The following UXS1 variants were observed in gnomAD, a reference collection of about 807,000 sequenced individuals.
UXS1 encodes UDP-glucuronate decarboxylase 1, also known as UDP-glucuronic acid decarboxylase 1.
UXS1 carries 33 observed loss-of-function variants against 62.6 expected under a neutral mutation model. The observed-to-expected ratio is 0.53, with a 90% CI of 0.40 to 0.70. The LOEUF is 0.70. UXS1 is among the 30% of genes least tolerant of loss of function. UXS1 has a pLI of 0.00. For synonymous variants in UXS1, 213 were observed against 206.8 expected (o/e 1.03, Z -0.26); for missense variants, 434 against 556.3 (o/e 0.78, Z 2.21).
At chr2:106,145,447 G>A (rs1043277463) in intron 5 of UXS1, 77 bp from the exon 6 acceptor site, 3 of 1,476,146 alleles carry the variant, frequency 2.0e-6, no homozygotes, top group South Asian at 1.4e-5. Context: ...TCCACGGAGA[G>A]ACATCTCTGG....
chr2:106,174,531 C>T (rs1293972329), intron 1 of UXS1, among the ~76,000 whole-genome samples: 1 of 152,346 alleles, frequency 6.6e-6, no homozygotes, highest in South Asian at 2.1e-4. Flanking sequence ...CATCCTGTAG[C>T]AACCCACATG....
At chr2:106,150,221 C>T (rs1243658234) in intron 5 of UXS1, among the ~76,000 whole-genome samples, 1 of 152,134 alleles carries the variant, frequency 6.6e-6, no homozygotes, top group East Asian at 1.9e-4. Context: ...GATTGTATAA[C>T]TAAAAGGGAA....
intron 5 of UXS1, among the ~76,000 whole-genome samples, chr2:106,156,219 T>C (rs977494115): frequency 1.3e-5 from 2 of 152,116 alleles, no homozygotes; most frequent in South Asian, 2.1e-4. Flanking sequence ...AATTAAAGAA[T>C]AGGATAATAT....
At chr2:106,149,723 CTTATACA>C (rs1307576495) in intron 5 of UXS1, among the ~76,000 whole-genome samples, 1 of 152,140 alleles carries the variant, frequency 6.6e-6, no homozygotes, top group Non-Finnish European at 1.5e-5. Context: ...TGGGATGATG[CTTATACA>C]AACACCTGAA....
Position 106,129,774 on chromosome 2 carries a change from G to T in UXS1, c.477C>A (p.Asp159Glu). 1.2e-6 allele frequency: 2 copies of T among 1,601,548 alleles called. No individual in the cohort carries two copies. Among genetic ancestry groups the T allele is most frequent in the African/African-American group, 1.3e-5 (1 of 74,812 alleles). ...CTGGAGATGCCAGATGGTATATCTG[G>T]TCAACTAAAGGAGACAAAACAGAAG... ...DVVEPLYIEVDQIYHLASPAS... is the reference protein window; with the variant it reads ...DVVEPLYIEVEQIYHLASPAS... The change falls in exon 7 of 15, where the codon GAC becomes GAA. Residue 159 changes from aspartate to glutamate, a missense_variant. By Grantham distance (45) the Asp-to-Glu change is conservative. Coordinates refer to ENST00000283148, the MANE Select transcript of UXS1 (RefSeq NM_001253875.2).
At chr2:106,122,434 G>C (rs1679597844) in intron 9 of UXS1, among the ~76,000 whole-genome samples, 1 of 152,244 alleles carries the variant, frequency 6.6e-6, no homozygotes, top group Non-Finnish European at 1.5e-5. Flanking sequence ...AGCACAGCCA[G>C]TGTGGCAACC....
intron 5 of UXS1, among the ~76,000 whole-genome samples, chr2:106,148,701 A>G (rs1003607439): frequency 3.3e-5 from 5 of 152,252 alleles, no homozygotes; most frequent in African/African-American, 1.2e-4. Context: ...TATCCTAATC[A>G]ATGTTAGCCC....
intron 4 of UXS1, 88 bp downstream of exon 4, chr2:106,163,579 C>G: frequency 1.2e-6 from 1 of 864,946 alleles, no homozygotes; most frequent in Non-Finnish European, 1.6e-6. Flanking sequence ...TTTAGGTTGG[C>G]AGAGTTTGGA....
intron 14 of UXS1, 115 bp downstream of exon 14, chr2:106,096,603 C>A: frequency 1.2e-6 from 1 of 848,136 alleles, no homozygotes. Flanking sequence ...GCCTGGATGC[C>A]GAGCCCACCT....
At chr2:106,180,134 TA>T (rs1212921049) in intron 1 of UXS1, among the ~76,000 whole-genome samples, 2 of 152,020 alleles carry the variant, frequency 1.3e-5, no homozygotes, top group Non-Finnish European at 2.9e-5. Flanking sequence ...CCTCCACATA[TA>T]AAGTAAAAAA....
At chr2:106,125,539 A>C (rs1002380592) in intron 8 of UXS1, 81 bp downstream of exon 8, 1 of 1,343,072 alleles carries the variant, frequency 7.4e-7, no homozygotes, top group African/African-American at 1.5e-5. Context: ...TCCTCAGAAA[A>C]GAACACTGGA....
In UXS1 at chr2:106,123,105, A is replaced by G. The variant is rs1264010580; in HGVS notation, c.638-14T>C. On this transcript the variant is annotated splice_polypyrimidine_tract_variant and intron_variant, in intron 8 of 14. Transcript: ENST00000283148. The stretch of plus-strand genomic sequence containing the variant: ...GGACTTCAGGATCTACGATGGGAGA[A>G]AAGTGAGACTGTTTTCATCTTTCCT... The G allele has an allele frequency of 2.5e-6, 4 of 1,613,322 alleles. No homozygotes were observed. The highest frequency in any genetic ancestry group is 2.7e-5 in the African/African-American group (2 of 74,908).
intron 7 of UXS1, among the ~76,000 whole-genome samples, chr2:106,126,069 C>T (rs1558701366): frequency 6.6e-6 from 1 of 152,142 alleles, no homozygotes; most frequent in Admixed American, 6.5e-5. Flanking sequence ...GGTCAGCTTG[C>T]CACTTCCTGA....
intron 10 of UXS1, 37 bp downstream of exon 10, chr2:106,112,609 G>T (rs772767202): frequency 6.2e-7 from 1 of 1,610,250 alleles, no homozygotes. Context: ...TTCGATTTGG[G>T]TTGCAAGGTG....
In UXS1 at chr2:106,143,438, AG is replaced by A. The variant is rs145204270; in HGVS notation, c.472+1751del. Among the ~76,000 whole-genome samples, 270 of 122,308 alleles carry A rather than the reference AG, an allele frequency of 2.2e-3. 25 individuals are homozygous for A. The highest frequency in any genetic ancestry group is 8.3e-3 in the Middle Eastern group (2 of 242). The allele number at this position is 122,308 out of a possible 152,430, so 80.2% of individuals were successfully genotyped here. ...AAAAAAAAAAAAAAAAAAAAAAAAA[AG>A]GTATAATTTGGGCAGCACTTAGTGA... On this transcript the variant is annotated intron_variant, in intron 6 of 14. Coordinates refer to ENST00000283148, the MANE Select transcript of UXS1 (RefSeq NM_001253875.2).
intron 5 of UXS1, among the ~76,000 whole-genome samples, chr2:106,148,232 C>A (rs750635026): frequency 6.6e-6 from 1 of 152,278 alleles, no homozygotes; most frequent in East Asian, 1.9e-4. Context: ...CTATGAAAAA[C>A]GATTTTCCAG....
intron 6 of UXS1, among the ~76,000 whole-genome samples, chr2:106,141,586 T>C (rs1047886249): frequency 6.6e-6 from 1 of 151,658 alleles, no homozygotes; most frequent in Admixed American, 6.6e-5. Context: ...GCCTCCTGGG[T>C]AGCTGGGACC....
intron 9 of UXS1, among the ~76,000 whole-genome samples, chr2:106,121,271 C>T (rs1003255283): frequency 1.3e-5 from 2 of 152,272 alleles, no homozygotes; most frequent in African/African-American, 4.8e-5. Flanking sequence ...TGCCAAATAC[C>T]ATAATTATCG....
intron 1 of UXS1, among the ~76,000 whole-genome samples, chr2:106,186,877 T>G (rs1446223516): frequency 6.6e-6 from 1 of 151,838 alleles, no homozygotes; most frequent in East Asian, 1.9e-4. Flanking sequence ...TATGGTACAA[T>G]GGGGGGAAAT....
Sources: gnomAD v4.1 joint callset for allele counts (sites outside exome capture counted in the v4.1 genomes callset) on GRCh38, gnomAD v4.1.1 for gene constraint, MANE v1.5 for transcripts, NCBI Gene and HGNC (gene_info 2026-07-23, HGNC 2026-07-21) for gene names.